CREBBP: variants seen among roughly 807,000 people sequenced by gnomAD.
CREBBP encodes the protein CREB-binding protein.
In CREBBP, 19 loss-of-function variants were observed where a neutral mutation model predicts 265.0. The ratio of observed to expected loss-of-function variants is 0.07; its 90% confidence interval spans 0.05 to 0.11. The LOEUF is 0.11. Among genes scored for constraint, CREBBP ranks in the 10% least tolerant of loss-of-function variants. The probability of loss-of-function intolerance (pLI) is 1.00; values close to 1 mark genes in which losing one functional copy is unlikely to be tolerated. For synonymous variants in CREBBP, 1,457 were observed against 1,223.7 expected (o/e 1.19, Z -3.98); for missense variants, 2,525 against 3,219.0 (o/e 0.78, Z 5.22).
chr16:3,759,344 T>G (rs548135290), intron 16 of CREBBP, among the ~76,000 whole-genome samples: 69 of 152,250 alleles, frequency 4.5e-4, no homozygotes, highest in African/African-American at 1.6e-3. Context: ...ATCCCAGCAC[T>G]TTGGGAGACT....
intron 2 of CREBBP, among the ~76,000 whole-genome samples, chr16:3,844,308 C>T (rs2141461618): frequency 6.6e-6 from 1 of 152,178 alleles, no homozygotes; most frequent in Non-Finnish European, 1.5e-5. Context: ...GCAATTAAAA[C>T]TCAGCATTAA....
At chr16:3,823,415 G>A (rs748726770) in intron 2 of CREBBP, among the ~76,000 whole-genome samples, 2 of 152,156 alleles carry the variant, frequency 1.3e-5, no homozygotes, top group Non-Finnish European at 2.9e-5. Context: ...TGGTCACAAC[G>A]TGGCCGCGTA....
chr16:3,742,377 T>C (rs79616970), intron 23 of CREBBP: 2 of 152,354 alleles, frequency 1.3e-5, no homozygotes, highest in Non-Finnish European at 2.9e-5. Context: ...TGTGCCGTTA[T>C]GCATATGTGC....
chr16:3,869,735 G>A (rs2055254913), intron 1 of CREBBP, among the ~76,000 whole-genome samples: 2 of 152,140 alleles, frequency 1.3e-5, no homozygotes, highest in Admixed American at 6.5e-5. Flanking sequence ...AACGACCACT[G>A]GACAGCGCTG....
chr16:3,863,994 A>G (rs2239316), intron 1 of CREBBP, among the ~76,000 whole-genome samples: 49,570 of 152,032 alleles, frequency 0.33, 8,744 homozygotes, highest in South Asian at 0.44. Flanking sequence ...TCAGCTGCCT[A>G]TCCACCCTGC....
rs2053259149 is a variant in CREBBP at position 3,780,892 on chromosome 16, A to AAAG, written c.1677-17_1677-15dup. On this transcript the variant is annotated splice_polypyrimidine_tract_variant and intron_variant, in intron 7 of 30. Coordinates refer to ENST00000262367, the MANE Select transcript of CREBBP (RefSeq NM_004380.3). The stretch of plus-strand genomic sequence containing the variant: ...TTCATCAGTGGGCTAAGGAGGAAAT[A>AAAG]AAGACACTTCATCCATCTACTGAAG... 1 of 1,612,912 alleles carries AAAG rather than the reference A, an allele frequency of 6.2e-7. No homozygotes were observed. Among genetic ancestry groups the AAAG allele is most frequent in the African/African-American group, 1.3e-5 (1 of 74,872 alleles).
At chr16:3,729,904 G>A (rs2151312939) in intron 30 of CREBBP, 30 bp from the exon 31 acceptor site, 2 of 1,597,996 alleles carry the variant, frequency 1.3e-6, no homozygotes, top group Non-Finnish European at 1.7e-6. Flanking sequence ...ACAGGCCGGT[G>A]TCAGCATGGG....
At chr16:3,849,437 GTGTGT>G (rs1567360376) in intron 2 of CREBBP, among the ~76,000 whole-genome samples, 244 of 16,454 alleles carry the variant, frequency 0.015, 12 homozygotes, top group Middle Eastern at 0.042. Flanking sequence ...GTGTGTGTGT[GTGTGT>G]GTGTGTGTGT....
At chr16:3,777,576 A>G (rs773126067) in intron 11 of CREBBP, 37 bp downstream of exon 11, 10 of 1,609,464 alleles carry the variant, frequency 6.2e-6, no homozygotes, top group Non-Finnish European at 8.5e-6. Context: ...TGTTGAATGT[A>G]AAACTAAAAT....
chr16:3,737,678 G>A (rs2052099955), intron 26 of CREBBP, among the ~76,000 whole-genome samples: 1 of 152,030 alleles, frequency 6.6e-6, no homozygotes, highest in South Asian at 2.1e-4. Context: ...TGGTCAGGCT[G>A]GTCTTGAACT....
intron 3 of CREBBP, among the ~76,000 whole-genome samples, chr16:3,797,413 A>C (rs561676854): frequency 2.0e-4 from 30 of 152,336 alleles, no homozygotes; most frequent in African/African-American, 6.7e-4. Flanking sequence ...TTCAGGTTCC[A>C]ACTCCCAGTG....
rs1158941001 is a variant in CREBBP, at chr16:3,739,564, A to G, written c.4280+14T>C. ...TCACTGAATGACACGCCCTGGAAGG[A>G]GCTGGAAAACTACCTCGTGTTTGGA... On this transcript the variant is annotated intron_variant, in intron 25 of 30. Coordinates refer to ENST00000262367, the MANE Select transcript of CREBBP (RefSeq NM_004380.3). 9.9e-6 allele frequency: 16 copies of G among 1,614,060 alleles called. No homozygotes were observed. The highest frequency in any genetic ancestry group is 1.4e-5 in the Non-Finnish European group (16 of 1,180,056).
intron 1 of CREBBP, among the ~76,000 whole-genome samples, chr16:3,859,652 G>T (rs946170246): frequency 2.0e-5 from 3 of 152,112 alleles, no homozygotes; most frequent in African/African-American, 7.2e-5. Context: ...AGATACTAAA[G>T]CTTAAGTTGA....
At chr16:3,815,530 C>CCAAAAA (rs2054020766) in intron 2 of CREBBP, among the ~76,000 whole-genome samples, 1 of 51,946 alleles carries the variant, frequency 1.9e-5, no homozygotes. Flanking sequence ...GACTCCATCT[C>CCAAAAA]AAAAAAAAAA....
Position 3,774,565 on chromosome 16 carries a change from T to C in CREBBP, c.2283+4A>G, listed in dbSNP as rs1324123396. ...TCTGCAGCACAGCGAAAGAGAACAC[T>C]TACCCCTGGCACTGAGCCCATGCTG... On this transcript the variant is annotated splice_donor_region_variant and intron_variant, in intron 12 of 30. Coordinates refer to ENST00000262367, the MANE Select transcript of CREBBP (RefSeq NM_004380.3). 12 of 1,613,996 alleles carry C rather than the reference T, an allele frequency of 7.4e-6. No individual in the cohort carries two copies. Among genetic ancestry groups the C allele is most frequent in the Non-Finnish European group, 1.0e-5 (12 of 1,180,040 alleles).
intron 18 of CREBBP, 117 bp downstream of exon 18, chr16:3,757,692 G>A: frequency 7.0e-7 from 1 of 1,420,664 alleles, no homozygotes; most frequent in African/African-American, 1.4e-5. Flanking sequence ...TGTGTCACCA[G>A]ACAGCAGATT....
At position 3,770,879 on chromosome 16, in the gene CREBBP, C is replaced by T. The variant is rs750068674; in HGVS notation, c.2571G>A (p.Pro857=). Residue 857 remains proline (P), a synonymous_variant, in exon 14 of 31, where the codon CCG becomes CCA. Transcript: ENST00000262367. ...PVTQSPLHPT[P]PPASTAAGMP... The stretch of plus-strand genomic sequence containing the variant: ...TGCCAGCAGCCGTGGAAGCAGGAGG[C>T]GGTGTTGGGTGCAGTGGTGACTGTG... 42 of 1,613,498 alleles carry T rather than the reference C, an allele frequency of 2.6e-5. No homozygotes were observed. The highest frequency in any genetic ancestry group is 3.3e-5 in the Non-Finnish European group (39 of 1,179,978).
At chr16:3,806,609 G>T (rs1473186801) in intron 3 of CREBBP, among the ~76,000 whole-genome samples, 1 of 152,144 alleles carries the variant, frequency 6.6e-6, no homozygotes, top group South Asian at 2.1e-4. Flanking sequence ...GAAAATGTCA[G>T]AAAGCCCAAT....
chr16:3,744,806 G>A, intron 23 of CREBBP, 88 bp downstream of exon 23: 1 of 1,013,226 alleles, frequency 9.9e-7, no homozygotes, highest in South Asian at 1.3e-5. Flanking sequence ...AGAACCATGT[G>A]TTGAGAGGAA....
Sources: allele counts gnomAD v4.1 joint callset (sites outside exome capture counted in the v4.1 genomes callset), GRCh38; gene constraint gnomAD v4.1.1; transcripts MANE v1.5; gene names NCBI Gene and HGNC (gene_info 2026-07-23, HGNC 2026-07-21).